TENM2: variants seen among roughly 807,000 people sequenced by gnomAD.
TENM2 encodes teneurin-2.
A neutral mutation model predicts 245.2 loss-of-function variants in TENM2; 52 were observed. The ratio of observed to expected loss-of-function variants is 0.21; its 90% CI spans 0.17 to 0.27. The LOEUF is 0.27. Among genes scored for constraint, TENM2 ranks in the 10% least tolerant of loss-of-function variants. TENM2 has a pLI of 1.00. For missense variants in TENM2, 3,046 were observed against 3,666.8 expected (o/e 0.83, Z 4.37); for synonymous variants, 1,363 against 1,438.9 (o/e 0.95, Z 1.19).
intron 1 of TENM2, among the ~76,000 whole-genome samples, chr5:167,345,510 G>C (rs1758401585): frequency 6.6e-6 from 1 of 152,202 alleles, no homozygotes; most frequent in Non-Finnish European, 1.5e-5. Context: ...GTTATGTTTT[G>C]ATTGTTGTTT....
chr5:167,558,806 C>G (rs1036497469), intron 2 of TENM2, among the ~76,000 whole-genome samples: 1 of 151,894 alleles, frequency 6.6e-6, no homozygotes, highest in African/African-American at 2.4e-5. Flanking sequence ...CCACCATCCA[C>G]TGGGTCCATG....
chr5:167,587,100 G>T (rs1176024250), intron 2 of TENM2, among the ~76,000 whole-genome samples: 1 of 152,114 alleles, frequency 6.6e-6, no homozygotes, highest in Non-Finnish European at 1.5e-5. Flanking sequence ...TTTCCAGTGG[G>T]CAGTGAATAT....
At chr5:167,087,090 C>G in the TENM2 span, among the ~76,000 whole-genome samples, 2 of 152,136 alleles carry the variant, frequency 1.3e-5, no homozygotes, top group African/African-American at 4.8e-5. Context: ...TGATATGGTG[C>G]AGACCTAGGA....
chr5:167,279,602 A>G, the TENM2 span, among the ~76,000 whole-genome samples: 1 of 127,462 alleles, frequency 7.8e-6, no homozygotes, highest in Non-Finnish European at 1.6e-5. Context: ...GGTAATTTCT[A>G]CTGATTATTT....
chr5:167,985,397 G>A (rs1320215905), intron 4 of TENM2, among the ~76,000 whole-genome samples: 1 of 152,170 alleles, frequency 6.6e-6, no homozygotes, highest in Non-Finnish European at 1.5e-5. Context: ...TCGACACCTG[G>A]TTTCCCTGAT....
At chr5:167,764,943 C>T (rs1488197685) in intron 2 of TENM2, among the ~76,000 whole-genome samples, 1 of 152,102 alleles carries the variant, frequency 6.6e-6, no homozygotes, top group Non-Finnish European at 1.5e-5. Flanking sequence ...GGATTCATCC[C>T]AGCCTGGGGT....
intron 6 of TENM2, among the ~76,000 whole-genome samples, chr5:168,050,027 T>C (rs1349942058): frequency 1.3e-5 from 2 of 152,154 alleles, no homozygotes; most frequent in Non-Finnish European, 2.9e-5. Flanking sequence ...GGTTGCAAAC[T>C]CCTGAGCTCA....
At chr5:167,462,782 A>G (rs970269397) in intron 2 of TENM2, among the ~76,000 whole-genome samples, 1 of 151,912 alleles carries the variant, frequency 6.6e-6, no homozygotes, top group African/African-American at 2.4e-5. Context: ...TGGCGCGTAG[A>G]GGGCCAAAAG....
intron 2 of TENM2, among the ~76,000 whole-genome samples, chr5:167,752,583 A>T (rs974271540): frequency 3.3e-5 from 5 of 152,178 alleles, no homozygotes; most frequent in African/African-American, 1.2e-4. Context: ...TGCTGAAAAG[A>T]AGTAGGCTAG....
At chr5:168,194,613 A>G (rs1487468754) in intron 14 of TENM2, among the ~76,000 whole-genome samples, 4 of 152,094 alleles carry the variant, frequency 2.6e-5, no homozygotes, top group African/African-American at 9.7e-5. Context: ...GGGTTTTGCT[A>G]TATATATCTC....
At chr5:168,042,815 C>T (rs1788307905) in intron 5 of TENM2, among the ~76,000 whole-genome samples, 1 of 152,168 alleles carries the variant, frequency 6.6e-6, no homozygotes, top group African/African-American at 2.4e-5. Context: ...AGAAAGTTTT[C>T]TCCAATTAGC....
At chr5:167,019,882 A>G in the TENM2 span, among the ~76,000 whole-genome samples, 1 of 152,174 alleles carries the variant, frequency 6.6e-6, no homozygotes, top group Middle Eastern at 3.2e-3. Flanking sequence ...AAGGAAAAAT[A>G]ATCTTATTTA....
chr5:167,894,029 G>A (rs559709091), intron 3 of TENM2, among the ~76,000 whole-genome samples: 75 of 152,260 alleles, frequency 4.9e-4, no homozygotes, highest in African/African-American at 1.6e-3. Context: ...AGTCCAATGC[G>A]GCAGCATAAT....
chr5:168,262,294 C>T (rs1472644789), exon 29 of TENM2: 1 of 1,610,002 alleles, frequency 6.2e-7, no homozygotes, highest in Non-Finnish European at 8.5e-7. Flanking sequence ...TGAACAACGC[C>T]TACTACCTGG....
At chr5:167,575,226 A>C (rs555154327) in intron 2 of TENM2, among the ~76,000 whole-genome samples, 1 of 152,290 alleles carries the variant, frequency 6.6e-6, no homozygotes, top group South Asian at 2.1e-4. Flanking sequence ...ATAGCATAGA[A>C]TGTTTAAAAT....
Position 168,215,282 on chromosome 5 carries a change from A to T in TENM2, c.4078+10A>T. The T allele has an allele frequency of 6.2e-7, 1 of 1,609,324 alleles. No individual in the cohort carries two copies. The highest frequency in any genetic ancestry group is 8.5e-7 in the Non-Finnish European group (1 of 1,175,678). On this transcript the variant is annotated intron_variant, in intron 21 of 28. Coordinates refer to ENST00000518659, the Ensembl canonical transcript of TENM2. Reference sequence around the variant, plus strand: ...CTGATGAGCCCGAGAGGTAAAGGACATCAAGGAAGAGTCTCCCGCCCCAGA... The same window carrying T: ...CTGATGAGCCCGAGAGGTAAAGGACTTCAAGGAAGAGTCTCCCGCCCCAGA...
chr5:167,388,299 T>G (rs1761561184), intron 2 of TENM2, among the ~76,000 whole-genome samples: 1 of 151,942 alleles, frequency 6.6e-6, no homozygotes, highest in Non-Finnish European at 1.5e-5. Flanking sequence ...AGTTTATGCA[T>G]AGCGTTCATA....
intron 3 of TENM2, among the ~76,000 whole-genome samples, chr5:167,942,101 G>C (rs985986545): frequency 6.6e-6 from 1 of 151,982 alleles, no homozygotes; most frequent in Non-Finnish European, 1.5e-5. Context: ...CCAGCTACTC[G>C]GGAGGCTGAG....
chr5:167,040,822 AT>A, the TENM2 span, among the ~76,000 whole-genome samples: 1 of 152,116 alleles, frequency 6.6e-6, no homozygotes, highest in African/African-American at 2.4e-5. Context: ...TAATTTATTG[AT>A]GATCTGGAAT....
Sources: allele counts gnomAD v4.1 joint callset (sites outside exome capture counted in the v4.1 genomes callset), GRCh38; gene constraint gnomAD v4.1.1; transcripts MANE v1.5; gene names NCBI Gene and HGNC (gene_info 2026-07-23, HGNC 2026-07-21).